TBX5: variants seen among roughly 807,000 people sequenced by gnomAD.
The protein encoded by TBX5 is T-box transcription factor TBX5.
TBX5 carries 8 observed loss-of-function variants against 51.1 expected under a neutral mutation model. The observed-to-expected ratio is 0.16, with a 90% CI of 0.09 to 0.28. The LOEUF (loss-of-function observed/expected upper bound fraction) is 0.28, where lower values mean the gene tolerates loss of function less well. Among genes scored for constraint, TBX5 ranks in the 10% least tolerant of loss-of-function variants. TBX5 has a pLI of 1.00. For missense variants in TBX5, 589 were observed against 671.7 expected (o/e 0.88, Z 1.36); for synonymous variants, 302 against 266.4 (o/e 1.13, Z -1.30).
At chr12:114,385,335 G>T in intron 7 of TBX5, 141 bp downstream of exon 7, 1 of 761,736 alleles carries the variant, frequency 1.3e-6, no homozygotes. Flanking sequence ...GGACAGAGGG[G>T]GCTCATTCTC....
intron 6 of TBX5, among the ~76,000 whole-genome samples, chr12:114,388,778 C>G (rs1385229567): frequency 7.9e-6 from 1 of 127,356 alleles, no homozygotes; most frequent in African/African-American, 2.9e-5. Context: ...GTGACAGAGT[C>G]TCACTATGTT....
At chr12:114,387,340 A>G (rs1870872273) in intron 6 of TBX5, among the ~76,000 whole-genome samples, 1 of 152,234 alleles carries the variant, frequency 6.6e-6, no homozygotes, top group Admixed American at 6.5e-5. Context: ...CTCTAACCCC[A>G]AAATTATTGA....
chr12:114,383,184 C>A (rs1253252706), intron 7 of TBX5, among the ~76,000 whole-genome samples: 1 of 151,998 alleles, frequency 6.6e-6, no homozygotes, highest in Non-Finnish European at 1.5e-5. Context: ...GGCTGATTCC[C>A]AGGAGGGGTC....
At chr12:114,384,648 A>C (rs1407766252) in intron 7 of TBX5, among the ~76,000 whole-genome samples, 1 of 151,918 alleles carries the variant, frequency 6.6e-6, no homozygotes. Flanking sequence ...AGAAAGGATA[A>C]GGAAAACATC....
chr12:114,406,499 C>T (rs1173384849), upstream of TBX5, among the ~76,000 whole-genome samples: 1 of 152,152 alleles, frequency 6.6e-6, no homozygotes. Context: ...CGCAGCCTTG[C>T]AGACATTCTC....
In TBX5 at chr12:114,401,736, C is replaced by T. The variant is rs115388642; in HGVS notation, c.242+90G>A. 6.9e-5 allele frequency: 83 copies of T among 1,203,312 alleles called. No individual in the cohort carries two copies. The African/African-American group carries it at 1.2e-3, about 17-fold the overall frequency. 74.5% of individuals were successfully genotyped at this position (1,203,312 alleles called of 1,614,324 possible). On this transcript the variant is annotated intron_variant, in intron 3 of 8. Transcript: ENST00000405440. The stretch of plus-strand genomic sequence containing the variant: ...ATATTCCCTCTCCTTTTGCCCCTTT[C>T]CTTCCTTCTTCTCTTCCAAGCCACC...
Position 114,402,827 on chromosome 12 carries a change from A to T in TBX5, c.148-907T>A, listed in dbSNP as rs1565942843. Among the ~76,000 whole-genome samples the T allele has an allele frequency of 2.7e-5, 4 of 148,934 alleles. No homozygotes were observed. The South Asian group carries it at 8.5e-4, about 32-fold the overall frequency. ...GCTTTTCCTTAAAAGAAAAAAAAAA[A>T]TCCCTAAGTTTCCTAAACTGTGTTC... On this transcript the variant is annotated intron_variant, in intron 2 of 8. Transcript: ENST00000405440.
At chr12:114,376,106 T>C (rs1402589999) in intron 7 of TBX5, among the ~76,000 whole-genome samples, 2 of 152,102 alleles carry the variant, frequency 1.3e-5, no homozygotes, top group African/African-American at 4.8e-5. Flanking sequence ...GGGATATATG[T>C]ATATCCCTCT....
intron 7 of TBX5, among the ~76,000 whole-genome samples, chr12:114,376,129 C>T (rs753075256): frequency 6.6e-6 from 1 of 152,024 alleles, no homozygotes; most frequent in African/African-American, 2.4e-5. Flanking sequence ...TAGATATACA[C>T]CCAAAGGAAA....
intron 7 of TBX5, among the ~76,000 whole-genome samples, chr12:114,373,629 T>C (rs1870039921): frequency 6.6e-6 from 1 of 152,162 alleles, no homozygotes; most frequent in South Asian, 2.1e-4. Context: ...CAGCTAATTT[T>C]TGTATTTTTA....
At position 114,366,203 on chromosome 12, in the gene TBX5, T is replaced by C. The variant is rs752101162; in HGVS notation, c.944A>G (p.Gln315Arg). ...LPPPNPYPLP[Q>R]EHSQIYHCTK... ...ACAATGGTAAATTTGGCTATGCTCC[T>C]GGGGCAGTGGGTATGGGTTGGGTGG... is the stretch of plus-strand genomic sequence containing the variant. The change falls in exon 8 of 9, where the codon CAG becomes CGG. Residue 315 changes from glutamine to arginine, a missense_variant. Gln to Arg is a conservative substitution (Grantham distance 43). Transcript: ENST00000405440. The C allele has an allele frequency of 6.8e-6, 11 of 1,614,100 alleles. No homozygotes were observed. The South Asian group carries it at 1.1e-4, about 16-fold the overall frequency.
At chr12:114,364,800 T>G (rs1441182619) in intron 8 of TBX5, among the ~76,000 whole-genome samples, 1 of 152,084 alleles carries the variant, frequency 6.6e-6, no homozygotes, top group Non-Finnish European at 1.5e-5. Flanking sequence ...ATTTACAAAG[T>G]GAGAAACTGA....
chr12:114,363,619 C>T (rs1374136415), intron 8 of TBX5, among the ~76,000 whole-genome samples: 1 of 152,162 alleles, frequency 6.6e-6, no homozygotes, highest in Non-Finnish European at 1.5e-5. Context: ...GAGATTGTAG[C>T]AGATGAGCAA....
chr12:114,372,688 T>A (rs778903392), intron 7 of TBX5, among the ~76,000 whole-genome samples: 2 of 152,124 alleles, frequency 1.3e-5, no homozygotes, highest in African/African-American at 2.4e-5. Context: ...TCCCTGGCCT[T>A]AAGTACCCAC....
At chr12:114,383,132 C>T (rs1870604864) in intron 7 of TBX5, among the ~76,000 whole-genome samples, 1 of 152,082 alleles carries the variant, frequency 6.6e-6, no homozygotes, top group African/African-American at 2.4e-5. Flanking sequence ...AGGCCTGGGT[C>T]GGACACAGAA....
At chr12:114,359,952 G>A (rs1389145759) in intron 8 of TBX5, among the ~76,000 whole-genome samples, 3 of 152,170 alleles carry the variant, frequency 2.0e-5, no homozygotes, top group African/African-American at 7.2e-5. Context: ...TTGGAAGACT[G>A]GATAGATAGC....
At chr12:114,398,453 T>G in intron 5 of TBX5, 120 bp downstream of exon 5, 3 of 1,401,136 alleles carry the variant, frequency 2.1e-6, no homozygotes, top group South Asian at 1.3e-5. Context: ...TGGGGGAAAA[T>G]GGAGGAAAGA....
At chr12:114,376,579 A>C (rs1051805207) in intron 7 of TBX5, among the ~76,000 whole-genome samples, 3 of 151,804 alleles carry the variant, frequency 2.0e-5, no homozygotes, top group African/African-American at 7.3e-5. Flanking sequence ...GCTAACGTAC[A>C]GCAATGTGAA....
chr12:114,357,336 T>C (rs1868981932), intron 8 of TBX5, among the ~76,000 whole-genome samples: 1 of 152,188 alleles, frequency 6.6e-6, no homozygotes, highest in South Asian at 2.1e-4. Context: ...TGAAACACAA[T>C]GTTTTGAAAA....
Sources: allele counts gnomAD v4.1 joint callset (sites outside exome capture counted in the v4.1 genomes callset), GRCh38; gene constraint gnomAD v4.1.1; transcripts MANE v1.5; gene names NCBI Gene and HGNC (gene_info 2026-07-23, HGNC 2026-07-21).